Variants in SYNGR1 observed in about 807,000 individuals in gnomAD.
SYNGR1 encodes the protein synaptogyrin 1.
Under a neutral mutation model 26.1 loss-of-function variants are expected in SYNGR1, and 14 were observed. The observed-to-expected ratio is 0.54, with a 90% CI of 0.35 to 0.84. The LOEUF (loss-of-function observed/expected upper bound fraction) is 0.84, where lower values mean the gene tolerates loss of function less well. Among genes scored for constraint, SYNGR1 ranks in the 40% least tolerant of loss-of-function variants. The pLI, the probability that SYNGR1 is intolerant of heterozygous loss-of-function variation, is 0.01. For missense variants in SYNGR1, 319 were observed against 332.9 expected (o/e 0.96, Z 0.33); for synonymous variants, 141 against 150.1 (o/e 0.94, Z 0.44).
chr22:39,375,653 C>A, intron 2 of SYNGR1: 1 of 545,314 alleles, frequency 1.8e-6, no homozygotes, highest in Non-Finnish European at 3.2e-6. Context: ...TTGCAGGCAT[C>A]AGGGGTGGAC....
intron 1 of SYNGR1, among the ~76,000 whole-genome samples, chr22:39,362,341 T>C (rs1367838634): frequency 6.6e-6 from 1 of 151,850 alleles, no homozygotes; most frequent in East Asian, 1.9e-4. Context: ...CACCGAGCAC[T>C]CGGGGCGACA....
At chr22:39,380,357 T>A (rs917692884) in intron 3 of SYNGR1, among the ~76,000 whole-genome samples, 1 of 152,114 alleles carries the variant, frequency 6.6e-6, no homozygotes, top group Non-Finnish European at 1.5e-5. Context: ...GCTGTGGAAG[T>A]GGTCCAGGGC....
intron 1 of SYNGR1, among the ~76,000 whole-genome samples, chr22:39,357,993 C>T (rs1924252300): frequency 6.6e-6 from 1 of 152,270 alleles, no homozygotes; most frequent in African/African-American, 2.4e-5. Context: ...GAGCGCACGG[C>T]GCGGGAGTGG....
At chr22:39,371,319 A>C (rs1925006986) in intron 1 of SYNGR1, among the ~76,000 whole-genome samples, 1 of 151,890 alleles carries the variant, frequency 6.6e-6, no homozygotes, top group Admixed American at 6.6e-5. Flanking sequence ...TATACTAAAA[A>C]TACAAAATTA....
At position 39,374,349 on chromosome 22, in the gene SYNGR1, A is replaced by G. The variant is rs759071446; in HGVS notation, c.133A>G (p.Asn45Asp). ...FSIVVFGSIV[N>D]EGYLNSASEG... is the part of the protein sequence containing the mutation. ...CATAGTGGTGTTCGGCTCCATCGTG[A>G]ACGAGGGCTACCTCAACAGCGCCTC... Residue 45 changes from asparagine (N) to aspartate (D), a missense_variant, in exon 2 of 4, where the codon AAC becomes GAC. Asn to Asp is a conservative substitution (Grantham distance 23, BLOSUM62 1). Coordinates refer to ENST00000328933, the MANE Select transcript of SYNGR1 (RefSeq NM_004711.5). The G allele has an allele frequency of 8.1e-6, 13 of 1,614,016 alleles. No individual in the cohort carries two copies. Among genetic ancestry groups the G allele is most frequent in the Non-Finnish European group, 1.1e-5 (13 of 1,180,014 alleles).
intron 1 of SYNGR1, among the ~76,000 whole-genome samples, chr22:39,355,311 G>A (rs1008046763): frequency 2.0e-5 from 3 of 152,234 alleles, no homozygotes; most frequent in Non-Finnish European, 2.9e-5. Context: ...CTGGAAATGC[G>A]TGGTCACGTC....
chr22:39,374,636 C>G, intron 2 of SYNGR1, 83 bp downstream of exon 2: 1 of 1,432,818 alleles, frequency 7.0e-7, no homozygotes, highest in Non-Finnish European at 9.7e-7. Flanking sequence ...CACCCTTCTT[C>G]CCATGTTTCA....
chr22:39,356,871 C>T (rs965851533), intron 1 of SYNGR1, among the ~76,000 whole-genome samples: 3 of 152,294 alleles, frequency 2.0e-5, no homozygotes, highest in African/African-American at 7.2e-5. Flanking sequence ...TTGGATTGCT[C>T]TGGTGGATCC....
At chr22:39,371,421 G>A (rs145700780) in intron 1 of SYNGR1, among the ~76,000 whole-genome samples, 4,023 of 150,184 alleles carry the variant, frequency 0.027, 134 homozygotes, top group African/African-American at 0.073. Flanking sequence ...GGTTGTGGTG[G>A]ACTGAGATTG....
At chr22:39,368,075 C>T (rs908898234) in intron 1 of SYNGR1, among the ~76,000 whole-genome samples, 1 of 152,220 alleles carries the variant, frequency 6.6e-6, no homozygotes, top group East Asian at 1.9e-4. Flanking sequence ...GGCCCTTTTC[C>T]CTGGCCATCA....
rs886411247 is a variant in SYNGR1 at position 39,376,212 on chromosome 22, C to G, written c.483+15C>G. ...TCTTCACCTGGGTGAGTACAGCCAC[C>G]GCGCACCAGCCCACACTCGTCCCCT... On this transcript the variant is annotated intron_variant, in intron 3 of 3. Coordinates refer to ENST00000328933, the MANE Select transcript of SYNGR1 (RefSeq NM_004711.5). 3 of 1,613,856 alleles carry G rather than the reference C, an allele frequency of 1.9e-6. No individual in the cohort carries two copies. The Admixed American group carries it at 5.0e-5, about 27-fold the overall frequency.
Position 39,374,417 on chromosome 22 carries a change from C to T in SYNGR1, c.201C>T (p.Ala67=). The part of the protein sequence containing the change: ...EFCIYNRNPN[A]CSYGVAVGVL... ...GCATCTACAACCGCAACCCCAACGCCTGCAGCTATGGCGTGGCCGTGGGCG... is the reference window on the plus strand; with the variant it reads ...GCATCTACAACCGCAACCCCAACGCTTGCAGCTATGGCGTGGCCGTGGGCG... The change falls in exon 2 of 4, where the codon GCC becomes GCT. Residue 67 remains alanine, a synonymous_variant. Coordinates refer to ENST00000328933, the MANE Select transcript of SYNGR1 (RefSeq NM_004711.5). The T allele has an allele frequency of 3.7e-6, 6 of 1,614,092 alleles. No homozygotes were observed. The highest frequency in any genetic ancestry group is 5.1e-6 in the Non-Finnish European group (6 of 1,180,040).
intron 1 of SYNGR1, among the ~76,000 whole-genome samples, chr22:39,366,241 G>A (rs539032636): frequency 6.2e-4 from 88 of 141,692 alleles, no homozygotes; most frequent in Non-Finnish European, 2.8e-4. Context: ...CACCTACCTC[G>A]GCCTCCCAAA....
Position 39,362,969 on chromosome 22 carries a change from A to G in SYNGR1, c.100-11347A>G, listed in dbSNP as rs529805186. 3.3e-5 allele frequency among the ~76,000 whole-genome samples: 5 copies of G among 152,322 alleles called. No individual in the cohort carries two copies. In the East Asian group the frequency reaches 9.6e-4, roughly 29 times the overall value. The stretch of plus-strand genomic sequence containing the variant: ...AGGAAAGAAGTTATATTGTGATGTT[A>G]CCAAGAAAATTAATTGAGGCACTGG... On this transcript the variant is annotated intron_variant, in intron 1 of 3. Transcript: ENST00000328933.
rs534609697 is a variant in SYNGR1 at position 39,350,507 on chromosome 22, G to A, written c.99+398G>A. 4.4e-4 allele frequency among the ~76,000 whole-genome samples: 67 copies of A among 152,330 alleles called. No individual in the cohort carries two copies. The highest frequency in any genetic ancestry group is 3.6e-3 in the Admixed American group (55 of 15,302). ...GGTTTAAGGTGGCCTTTTTTGGGGG[G>A]TGGATCAGGGCGTGGACCATCTCGG... On this transcript the variant is annotated intron_variant, in intron 1 of 3. Transcript: ENST00000328933. This position sits in a 1 kb window ranked among gnomAD's most constrained non-coding sequence, Gnocchi z 4.3.
At chr22:39,378,076 G>A (rs1925366875) in intron 3 of SYNGR1, 1 of 1,183,602 alleles carries the variant, frequency 8.4e-7, no homozygotes, top group Non-Finnish European at 1.1e-6. Context: ...GGCGTTCATG[G>A]TCCCCATTGC....
intron 1 of SYNGR1, among the ~76,000 whole-genome samples, chr22:39,354,209 T>A (rs973026968): frequency 6.6e-6 from 1 of 152,246 alleles, no homozygotes. Flanking sequence ...TGATAAAATG[T>A]TTGAAATGTT....
chr22:39,359,142 G>A (rs1924332378), intron 1 of SYNGR1, among the ~76,000 whole-genome samples: 1 of 152,234 alleles, frequency 6.6e-6, no homozygotes, highest in Non-Finnish European at 1.5e-5. Context: ...CCTGCAGCCT[G>A]TTCAGTGGGG....
At chr22:39,369,813 T>C (rs1924936524) in intron 1 of SYNGR1, among the ~76,000 whole-genome samples, 1 of 151,358 alleles carries the variant, frequency 6.6e-6, no homozygotes, top group African/African-American at 2.4e-5. Context: ...GGTCATGGGG[T>C]TTTCCCAAAT....
Sources: allele counts gnomAD v4.1 joint callset (sites outside exome capture counted in the v4.1 genomes callset), GRCh38; gene constraint gnomAD v4.1.1; non-coding constraint Gnocchi (gnomAD v3.1); transcripts MANE v1.5; gene names NCBI Gene and HGNC (gene_info 2026-07-23, HGNC 2026-07-21).